The following PLOD1 variants were observed in gnomAD, a reference collection of about 807,000 sequenced individuals.
The protein encoded by PLOD1 is procollagen-lysine,2-oxoglutarate 5-dioxygenase 1, also known as lysine hydroxylase.
In PLOD1, 70 loss-of-function variants were observed where a neutral mutation model predicts 94.7. The observed-to-expected ratio is 0.74, with a 90% CI of 0.61 to 0.90. PLOD1 has a LOEUF of 0.90. PLOD1 is among the 40% of genes least tolerant of loss of function. The probability of loss-of-function intolerance (pLI) is 0.00; values close to 1 mark genes in which losing one functional copy is unlikely to be tolerated. For synonymous variants in PLOD1, 417 were observed against 400.2 expected (o/e 1.04, Z -0.50); for missense variants, 905 against 972.7 (o/e 0.93, Z 0.93).
chr1:11,958,419 C>T lies in PLOD1; in HGVS notation c.844-97C>T. On this transcript the variant is annotated intron_variant, in intron 8 of 18. Coordinates refer to ENST00000196061, the MANE Select transcript of PLOD1 (RefSeq NM_000302.4). This position sits in a 1 kb window ranked among gnomAD's most constrained non-coding sequence, Gnocchi z 4.3. ...CCTTTCTTGGGAAGTCTACATGCTT[C>T]TGATTCTGGCTCTGACTCCCTTGGG... 7.2e-7 allele frequency: 1 copy of T among 1,397,816 alleles called. No homozygotes were observed. The highest frequency in any genetic ancestry group is 9.9e-7 in the Non-Finnish European group (1 of 1,006,994). 86.6% of individuals were successfully genotyped at this position (1,397,816 alleles called of 1,614,324 possible). A position where few individuals can be genotyped will look rare whatever the true frequency, so the allele number is the denominator to read the frequency against.
rs112703819 is a variant in PLOD1 at position 11,940,308 on chromosome 1, C to T, written c.76+5453C>T. Among the ~76,000 whole-genome samples the T allele has an allele frequency of 4.5e-3, 687 of 152,228 alleles. 5 individuals are homozygous for T. The highest frequency in any genetic ancestry group is 0.016 in the African/African-American group (651 of 41,530). On this transcript the variant is annotated intron_variant, in intron 1 of 18. Coordinates refer to ENST00000196061, the MANE Select transcript of PLOD1 (RefSeq NM_000302.4). ...TAAGTGTTGACATTACAGGTGTGAGCCACCCCACCCTCTGCATCATTCTTG... is the reference window on the plus strand; with the variant it reads ...TAAGTGTTGACATTACAGGTGTGAGTCACCCCACCCTCTGCATCATTCTTG...
In PLOD1 at chr1:11,967,656, A is replaced by ATT. The variant is rs1452482171; in HGVS notation, c.1755+566_1755+567insTT. 4.7e-4 allele frequency among the ~76,000 whole-genome samples: 50 copies of ATT among 106,876 alleles called. 2 individuals carry two copies. Among genetic ancestry groups the ATT allele is most frequent in the African/African-American group, 8.0e-4 (21 of 26,142 alleles). The allele number at this position is 106,876 out of a possible 152,430, so 70.1% of individuals were successfully genotyped here. A position where few individuals can be genotyped will look rare whatever the true frequency, so the allele number is the denominator to read the frequency against. Reference sequence around the variant, plus strand: ...AGATTTTATTTATATATATATATATATATTTTTTTTAAATAATAGAGACGG... The same window carrying ATT: ...AGATTTTATTTATATATATATATATATTTATTTTTTTTAAATAATAGAGACGG... On this transcript the variant is annotated intron_variant, in intron 16 of 18. Coordinates refer to ENST00000196061, the MANE Select transcript of PLOD1 (RefSeq NM_000302.4).
intron 1 of PLOD1, among the ~76,000 whole-genome samples, chr1:11,935,823 C>G (rs1334113388): frequency 6.6e-6 from 1 of 152,156 alleles, no homozygotes; most frequent in East Asian, 1.9e-4. Flanking sequence ...TGGGGTTTCA[C>G]CATGCTGGCC....
intron 1 of PLOD1, among the ~76,000 whole-genome samples, chr1:11,937,035 AC>A (rs1251621033): frequency 6.6e-6 from 1 of 151,464 alleles, no homozygotes; most frequent in African/African-American, 2.4e-5. Context: ...TTTAGTAGAG[AC>A]GGGGTTTCAC....
intron 13 of PLOD1, among the ~76,000 whole-genome samples, chr1:11,965,278 C>T (rs1361147503): frequency 6.6e-6 from 1 of 151,976 alleles, no homozygotes; most frequent in Non-Finnish European, 1.5e-5. Context: ...TCTGGGAAGA[C>T]TTCCCTGATC....
intron 1 of PLOD1, among the ~76,000 whole-genome samples, chr1:11,936,402 C>T (rs1428760359): frequency 1.3e-5 from 2 of 151,124 alleles, no homozygotes; most frequent in African/African-American, 4.9e-5. Context: ...GCAGAAGTGG[C>T]GGTACTTTCC....
intron 9 of PLOD1, among the ~76,000 whole-genome samples, 198 bp from the exon 10 acceptor site, chr1:11,960,448 T>G (rs1645769924): frequency 6.6e-6 from 1 of 152,062 alleles, no homozygotes; most frequent in African/African-American, 2.4e-5. Context: ...CAGAGGAGAA[T>G]GGGCAAAGGA....
At chr1:11,970,840 A>T in intron 17 of PLOD1, 24 bp downstream of exon 17, 2 of 1,349,628 alleles carry the variant, frequency 1.5e-6, no homozygotes, top group Admixed American at 2.0e-5. Flanking sequence ...GGGCATAGCC[A>T]GGATGCGGGG....
intron 1 of PLOD1, 51 bp downstream of exon 1, chr1:11,934,906 G>A (rs760329722): frequency 4.6e-6 from 7 of 1,519,596 alleles, no homozygotes. Flanking sequence ...CGGGAGGGCT[G>A]GTGTCGGGCT....
chr1:11,944,422 T>TACACACACACACACACACACACAC, intron 1 of PLOD1: 1 of 475,660 alleles, frequency 2.1e-6, no homozygotes, highest in Non-Finnish European at 3.6e-6. Context: ...CATGCACGCG[T>TACACACACACACACACACACACAC]ACACACACAC....
At position 11,957,415 on chromosome 1, in the gene PLOD1, G is replaced by A. The variant is rs1645746743; in HGVS notation, c.741+401G>A. ...TTCATGGTGACAGAAGGGACTGGGT[G>A]CAGATGCGGCCAGGGACAGAATGGA... On this transcript the variant is annotated intron_variant, in intron 7 of 18. Coordinates refer to ENST00000196061, the MANE Select transcript of PLOD1 (RefSeq NM_000302.4). The surrounding 1 kb of genome is among the most constrained non-coding windows in gnomAD (Gnocchi z 4.1). 6.6e-6 allele frequency among the ~76,000 whole-genome samples: 1 copy of A among 152,202 alleles called. No individual in the cohort carries two copies. The highest frequency in any genetic ancestry group is 2.4e-5 in the African/African-American group (1 of 41,454).
At chr1:11,939,897 C>T (rs573655568) in intron 1 of PLOD1, among the ~76,000 whole-genome samples, 10 of 152,198 alleles carry the variant, frequency 6.6e-5, no homozygotes, top group South Asian at 2.1e-4. Context: ...TGTGAGCCAC[C>T]GCACACATCA....
At chr1:11,948,742 G>T (rs1483032945) in intron 2 of PLOD1, among the ~76,000 whole-genome samples, 1 of 149,976 alleles carries the variant, frequency 6.7e-6, no homozygotes, top group Admixed American at 6.6e-5. Flanking sequence ...AAAAAAAAAA[G>T]AAAATAAAAG....
chr1:11,955,201 G>A (rs753950256), intron 6 of PLOD1, among the ~76,000 whole-genome samples: 33 of 152,166 alleles, frequency 2.2e-4, no homozygotes, highest in Non-Finnish European at 3.4e-4. Flanking sequence ...CCACTTTCCC[G>A]GCCCTCCCAC....
At position 11,964,841 on chromosome 1, in the gene PLOD1, G is replaced by A. The variant is rs932764313; in HGVS notation, c.1470+56G>A. On this transcript the variant is annotated intron_variant, in intron 13 of 18. Transcript: ENST00000196061. Reference sequence around the variant, plus strand: ...CTCTGGATGGGGCAGGCGGGAAGGTGGGCCTCCAGCTCTGACCCTCATGGT... The same window carrying A: ...CTCTGGATGGGGCAGGCGGGAAGGTAGGCCTCCAGCTCTGACCCTCATGGT... 3.1e-6 allele frequency: 5 copies of A among 1,590,984 alleles called. No individual in the cohort carries two copies. In the African/African-American group the frequency reaches 5.4e-5, roughly 17 times the overall value.
intron 4 of PLOD1, 70 bp downstream of exon 4, chr1:11,950,590 C>T: frequency 6.9e-6 from 10 of 1,450,244 alleles, no homozygotes; most frequent in Non-Finnish European, 9.6e-6. Context: ...GGGGACCCCC[C>T]TTGTTTGACG....
Position 11,972,712 on chromosome 1 carries a change from G to C in PLOD1, c.1903-160G>C. 1 of 691,466 alleles carries C rather than the reference G, an allele frequency of 1.4e-6. No homozygotes were observed. The highest frequency in any genetic ancestry group is 2.6e-6 in the Non-Finnish European group (1 of 380,974). 42.8% of individuals were successfully genotyped at this position (691,466 alleles called of 1,614,324 possible). A position where few individuals can be genotyped will look rare whatever the true frequency, so the allele number is the denominator to read the frequency against. The stretch of plus-strand genomic sequence containing the variant: ...TTTGTTGAGAACCTTTTCTGTGCCA[G>C]GTAGTTGCAGGCACTCGAGCATAGA... On this transcript the variant is annotated intron_variant, in intron 17 of 18. Transcript: ENST00000196061. This position sits in a 1 kb window ranked among gnomAD's most constrained non-coding sequence, Gnocchi z 4.6.
rs1645747856 is a variant in PLOD1 at position 11,957,591 on chromosome 1, G to C, written c.742-251G>C. Among the ~76,000 whole-genome samples the C allele has an allele frequency of 6.6e-6, 1 of 152,226 alleles. No homozygotes were observed. Among genetic ancestry groups the C allele is most frequent in the African/African-American group, 2.4e-5 (1 of 41,468 alleles). On this transcript the variant is annotated intron_variant, in intron 7 of 18. Coordinates refer to ENST00000196061, the MANE Select transcript of PLOD1 (RefSeq NM_000302.4). This position sits in a 1 kb window ranked among gnomAD's most constrained non-coding sequence, Gnocchi z 4.1. ...CAGGATCTGTTCAGATGGAATCTCT[G>C]AGCGGGGTGGGACCCAGGAATCTGC...
intron 1 of PLOD1, among the ~76,000 whole-genome samples, chr1:11,946,964 GCTCTTTTAAAC>G (rs1259132293): frequency 3.3e-5 from 5 of 152,082 alleles, no homozygotes; most frequent in Non-Finnish European, 7.4e-5. Context: ...GAAGTGCAAG[GCTCTTTTAAAC>G]AACCAGCTCT....
Sources: allele counts gnomAD v4.1 joint callset (sites outside exome capture counted in the v4.1 genomes callset), GRCh38; gene constraint gnomAD v4.1.1; non-coding constraint Gnocchi (gnomAD v3.1); transcripts MANE v1.5; gene names NCBI Gene and HGNC (gene_info 2026-07-23, HGNC 2026-07-21).